Variants in SDK1 observed in about 807,000 individuals in gnomAD.
SDK1 encodes sidekick cell adhesion molecule 1.
Under a neutral mutation model 245.5 loss-of-function variants are expected in SDK1, and 157 were observed. That is an observed-to-expected ratio of 0.64 (90% CI 0.56 to 0.73). The LOEUF is 0.73. Among genes scored for constraint, SDK1 ranks in the 30% least tolerant of loss-of-function variants. SDK1 has a pLI of 0.00. For missense variants in SDK1, 3,583 were observed against 3,002.3 expected (o/e 1.19, Z -4.52); for synonymous variants, 1,647 against 1,278.5 (o/e 1.29, Z -6.15).
At chr7:3,653,099 C>CT (rs1468483302) in intron 4 of SDK1, among the ~76,000 whole-genome samples, 3 of 152,212 alleles carry the variant, frequency 2.0e-5, no homozygotes, top group Non-Finnish European at 4.4e-5. Context: ...AAGTCGCAGG[C>CT]TTAAACTTGT....
intron 4 of SDK1, among the ~76,000 whole-genome samples, chr7:3,656,697 C>T (rs1422918149): frequency 6.6e-6 from 1 of 151,788 alleles, no homozygotes; most frequent in Admixed American, 6.6e-5. Context: ...CATGACAAGC[C>T]TGGTCTTATC....
At chr7:4,145,359 G>T (rs2128206428) in intron 28 of SDK1, among the ~76,000 whole-genome samples, 1 of 152,284 alleles carries the variant, frequency 6.6e-6, no homozygotes, top group South Asian at 2.1e-4. Context: ...GACGGGGAGA[G>T]CCAGACTGCA....
At chr7:3,321,366 C>G (rs1480827056) in intron 1 of SDK1, among the ~76,000 whole-genome samples, 1 of 152,106 alleles carries the variant, frequency 6.6e-6, no homozygotes, top group East Asian at 1.9e-4. Flanking sequence ...TCCCAGGTGG[C>G]CAGCCTTGTG....
intron 1 of SDK1, among the ~76,000 whole-genome samples, chr7:3,451,458 T>A (rs1176145811): frequency 6.6e-6 from 1 of 152,060 alleles, no homozygotes; most frequent in Non-Finnish European, 1.5e-5. Flanking sequence ...TCAGGGGACT[T>A]GGACACGGGG....
intron 4 of SDK1, among the ~76,000 whole-genome samples, chr7:3,676,557 C>G (rs374142226): frequency 5.3e-5 from 8 of 151,796 alleles, no homozygotes; most frequent in African/African-American, 1.9e-4. Flanking sequence ...AATCTCCTGA[C>G]CTTGTGATCT....
At chr7:3,823,516 C>T (rs16870949) in intron 5 of SDK1, among the ~76,000 whole-genome samples, 1,863 of 152,294 alleles carry the variant, frequency 0.012, 31 homozygotes, top group African/African-American at 0.043. Flanking sequence ...AAAGCGAGTA[C>T]AGTGAATTTG....
intron 22 of SDK1, among the ~76,000 whole-genome samples, chr7:4,094,383 A>G (rs747252083): frequency 1.3e-5 from 2 of 152,096 alleles, no homozygotes; most frequent in Non-Finnish European, 2.9e-5. Context: ...TTGAAAGCCA[A>G]ATGGATTGCC....
At chr7:3,378,969 C>T (rs953757958) in intron 1 of SDK1, among the ~76,000 whole-genome samples, 2 of 152,192 alleles carry the variant, frequency 1.3e-5, no homozygotes, top group Non-Finnish European at 2.9e-5. Context: ...ACAGTTCAAA[C>T]GAGGACTTGC....
intron 4 of SDK1, among the ~76,000 whole-genome samples, chr7:3,764,143 T>A (rs935316899): frequency 6.6e-6 from 1 of 152,184 alleles, no homozygotes. Context: ...ACTTTGGCAT[T>A]TTCCCTTTTC....
At chr7:4,127,277 C>A in intron 25 of SDK1, 104 bp from the exon 26 acceptor site, 1 of 817,676 alleles carries the variant, frequency 1.2e-6, no homozygotes, top group Non-Finnish European at 2.1e-6. Context: ...GCTTAGAATA[C>A]GTTGCTATTT....
intron 1 of SDK1, among the ~76,000 whole-genome samples, chr7:3,577,016 C>G (rs935227879): frequency 5.3e-5 from 8 of 151,900 alleles, no homozygotes; most frequent in Non-Finnish European, 1.2e-4. Context: ...CATCGATGCC[C>G]TTGTGGCCAC....
At chr7:4,076,719 C>T (rs1332544815) in intron 20 of SDK1, among the ~76,000 whole-genome samples, 1 of 152,174 alleles carries the variant, frequency 6.6e-6, no homozygotes, top group Non-Finnish European at 1.5e-5. Flanking sequence ...CAGAGCATCC[C>T]AGAGGCCCTG....
Position 3,372,138 on chromosome 7 carries a change from C to T in SDK1, c.298+70254C>T, listed in dbSNP as rs577732056. ...AAAGCTACATAAATATGAGTTTCAT[C>T]CACGGAGGAGACCACCCTTAGATTT... On this transcript the variant is annotated intron_variant, in intron 1 of 44. Coordinates refer to ENST00000404826, the MANE Select transcript of SDK1 (RefSeq NM_152744.4). Among the ~76,000 whole-genome samples the T allele has an allele frequency of 5.4e-4, 83 of 152,294 alleles. 1 individual carries two copies. The highest frequency in any genetic ancestry group is 1.9e-3 in the African/African-American group (77 of 41,556).
chr7:3,413,678 C>G (rs1011865606), intron 1 of SDK1, among the ~76,000 whole-genome samples: 1 of 152,124 alleles, frequency 6.6e-6, no homozygotes, highest in Non-Finnish European at 1.5e-5. Flanking sequence ...CAGAGCGAAA[C>G]TTCATCTCAA....
chr7:3,460,432 C>T (rs974377942), intron 1 of SDK1, among the ~76,000 whole-genome samples: 1 of 152,134 alleles, frequency 6.6e-6, no homozygotes, highest in Admixed American at 6.6e-5. Context: ...TAAGAATTGT[C>T]TTTGGTTATT....
At chr7:3,908,005 A>G (rs1277082479) in intron 5 of SDK1, among the ~76,000 whole-genome samples, 1 of 152,180 alleles carries the variant, frequency 6.6e-6, no homozygotes, top group Non-Finnish European at 1.5e-5. Context: ...TACTGAACCA[A>G]TACTCATTCC....
chr7:3,420,490 A>C (rs1285546706), intron 1 of SDK1, among the ~76,000 whole-genome samples: 1 of 151,814 alleles, frequency 6.6e-6, no homozygotes, highest in Non-Finnish European at 1.5e-5. Flanking sequence ...GTGCTAATGA[A>C]CTCCTCCTGC....
intron 1 of SDK1, among the ~76,000 whole-genome samples, chr7:3,419,489 C>T (rs925112164): frequency 6.6e-6 from 1 of 152,094 alleles, no homozygotes; most frequent in Non-Finnish European, 1.5e-5. Flanking sequence ...CTGCTTTCTC[C>T]CACCCGGCAG....
chr7:4,064,486 G>A (rs1452400336), intron 19 of SDK1, among the ~76,000 whole-genome samples: 1 of 152,126 alleles, frequency 6.6e-6, no homozygotes, highest in Non-Finnish European at 1.5e-5. Context: ...AATTAGTACA[G>A]CCACAATGGA....
Sources: gnomAD v4.1 joint callset for allele counts (sites outside exome capture counted in the v4.1 genomes callset) on GRCh38, gnomAD v4.1.1 for gene constraint, MANE v1.5 for transcripts, NCBI Gene and HGNC (gene_info 2026-07-23, HGNC 2026-07-21) for gene names.